The following ZNF383 variants were observed in gnomAD, a reference collection of about 807,000 sequenced individuals.
The protein encoded by ZNF383 is zinc finger protein 383.
In ZNF383, 32 loss-of-function variants were observed where a neutral mutation model predicts 44.2. The observed-to-expected ratio is 0.72, with a 90% CI of 0.55 to 0.97. The LOEUF is 0.97. ZNF383 is among the 50% of genes least tolerant of loss of function. ZNF383 has a pLI of 0.00. For synonymous variants in ZNF383, 155 were observed against 186.2 expected, an observed-to-expected ratio of 0.83 and a Z score of 1.36; for missense variants, 487 against 562.5, an observed-to-expected ratio of 0.87 and a Z score of 1.36.
chr19:37,243,212 G>A lies in ZNF383; in HGVS notation c.976G>A (p.Val326Ile), dbSNP rs779065944. ...GKAFTQSSKL[V>I]QHQRIHTGEK... Reference sequence around the variant, plus strand: ...AGCCTTTACCCAGAGCTCAAAGCTTGTTCAACATCAGAGAATTCATACTGG... The same window carrying A: ...AGCCTTTACCCAGAGCTCAAAGCTTATTCAACATCAGAGAATTCATACTGG... Residue 326 changes from valine (V) to isoleucine (I), a missense_variant, in exon 6 of 6, where the codon GTT becomes ATT. By Grantham distance (29) the Val-to-Ile change is conservative (BLOSUM62 3). Transcript: ENST00000684119. 1.5e-5 allele frequency: 25 copies of A among 1,613,866 alleles called. No homozygotes were observed. Among genetic ancestry groups the A allele is most frequent in the Non-Finnish European group, 2.1e-5 (25 of 1,179,978 alleles).
intron 4 of ZNF383, 33 bp from the exon 5 acceptor site, chr19:37,235,946 A>G: frequency 6.3e-7 from 1 of 1,576,014 alleles, no homozygotes; most frequent in Non-Finnish European, 8.7e-7. Flanking sequence ...TACCCCCAGC[A>G]TAACCATGTT....
At chr19:37,242,009 TA>T (rs1974109881) in intron 5 of ZNF383, among the ~76,000 whole-genome samples, 1 of 17,664 alleles carries the variant, frequency 5.7e-5, no homozygotes, top group South Asian at 2.0e-3. Flanking sequence ...TATATATACT[TA>T]TCTATATATA....
intron 1 of ZNF383, among the ~76,000 whole-genome samples, chr19:37,221,341 G>T (rs1236612108): frequency 6.6e-6 from 1 of 152,070 alleles, no homozygotes; most frequent in Non-Finnish European, 1.5e-5. Flanking sequence ...CCAGCACTTT[G>T]GGAGGCCTAC....
In ZNF383 at chr19:37,244,082, A is replaced by G. The variant is rs1016631243; in HGVS notation, c.*418A>G. ...GTTAGTCTTTTTGTTTTATTTTATT[A>G]TTATTATTATATGTTTTTTGAGACG... is the stretch of plus-strand genomic sequence containing the variant. On this transcript the variant is annotated 3_prime_UTR_variant, in exon 6 of 6. Transcript: ENST00000684119. The G allele has an allele frequency of 6.6e-6, 1 of 152,380 alleles. No individual in the cohort carries two copies. Among genetic ancestry groups the G allele is most frequent in the Non-Finnish European group, 1.5e-5 (1 of 68,356 alleles). The allele number at this position is 152,380 out of a possible 1,614,324, so 9.4% of individuals were successfully genotyped here.
At chr19:37,235,166 G>A (rs530651061) in intron 3 of ZNF383, among the ~76,000 whole-genome samples, 294 of 152,100 alleles carry the variant, frequency 1.9e-3, no homozygotes, top group African/African-American at 6.7e-3. Context: ...CCCGCTACTC[G>A]GGAGGCTGAG....
intron 3 of ZNF383, among the ~76,000 whole-genome samples, chr19:37,233,948 T>A (rs1188811418): frequency 6.6e-6 from 1 of 152,012 alleles, no homozygotes; most frequent in Non-Finnish European, 1.5e-5. Context: ...CACTGCAACC[T>A]CCACCTCCCA....
chr19:37,241,734 C>A (rs951892882), intron 5 of ZNF383, among the ~76,000 whole-genome samples: 1 of 151,996 alleles, frequency 6.6e-6, no homozygotes, highest in Non-Finnish European at 1.5e-5. Flanking sequence ...ATAACAAAGA[C>A]CTCCTGTCAG....
In ZNF383 at chr19:37,244,343, A is replaced by G. The variant is rs1441561221; in HGVS notation, c.*679A>G. The G allele has an allele frequency of 2.0e-5, 3 of 152,266 alleles. No individual in the cohort carries two copies. Among genetic ancestry groups the G allele is most frequent in the Non-Finnish European group, 4.4e-5 (3 of 68,368 alleles). 9.4% of individuals were successfully genotyped at this position (152,266 alleles called of 1,614,324 possible). On this transcript the variant is annotated 3_prime_UTR_variant, in exon 6 of 6. Coordinates refer to ENST00000684119, the MANE Select transcript of ZNF383 (RefSeq NM_001387601.1). ...GGTGATCCACCTGCCTCAGCCTCCC[A>G]AAGTGCTGGGATTACAGGCATGAGC...
rs1973742416 is a variant in ZNF383 at position 37,235,483 on chromosome 19, A to G, written c.10-66A>G. On this transcript the variant is annotated intron_variant, in intron 3 of 5. Coordinates refer to ENST00000684119, the MANE Select transcript of ZNF383 (RefSeq NM_001387601.1). ...GACTCATTTTGTATTACCCCACAAT[A>G]CAAGCATCGTAGTCTCTGATACATT... 8.3e-6 allele frequency: 13 copies of G among 1,557,004 alleles called. No homozygotes were observed. The Admixed American group carries it at 1.9e-4, about 22-fold the overall frequency.
chr19:37,223,792 G>A (rs1973033375), intron 1 of ZNF383, among the ~76,000 whole-genome samples: 2 of 152,104 alleles, frequency 1.3e-5, no homozygotes, highest in Non-Finnish European at 2.9e-5. Flanking sequence ...CCAGCACTTT[G>A]GGAGGCCCAG....
chr19:37,235,470 A>G lies in ZNF383; in HGVS notation c.10-79A>G, dbSNP rs1973740926. On this transcript the variant is annotated intron_variant, in intron 3 of 5. Transcript: ENST00000684119. ...ACACCAATATAATGACTCATTTTGTATTACCCCACAATACAAGCATCGTAG... is the reference window on the plus strand; with the variant it reads ...ACACCAATATAATGACTCATTTTGTGTTACCCCACAATACAAGCATCGTAG... The G allele has an allele frequency of 6.8e-6, 10 of 1,472,112 alleles. No individual in the cohort carries two copies. The East Asian group carries it at 2.1e-4, about 30-fold the overall frequency. 91.2% of individuals were successfully genotyped at this position (1,472,112 alleles called of 1,614,324 possible). A position where few individuals can be genotyped will look rare whatever the true frequency, so the allele number is the denominator to read the frequency against.
At chr19:37,238,532 A>G in intron 5 of ZNF383, among the ~76,000 whole-genome samples, 1 of 152,130 alleles carries the variant, frequency 6.6e-6, no homozygotes, top group East Asian at 1.9e-4. Context: ...GGGAACAGGT[A>G]ATGTAAATAT....
chr19:37,221,954 T>C (rs1972941159), intron 1 of ZNF383, among the ~76,000 whole-genome samples: 1 of 70,026 alleles, frequency 1.4e-5, no homozygotes, highest in East Asian at 3.5e-4. Flanking sequence ...AGACTCTGTC[T>C]CAAAAAAAAA....
Position 37,243,824 on chromosome 19 carries a change from C to T in ZNF383, c.*160C>T. 1.9e-6 allele frequency: 1 copy of T among 522,768 alleles called. No individual in the cohort carries two copies. The highest frequency in any genetic ancestry group is 3.8e-5 in the South Asian group (1 of 26,122). 32.4% of individuals were successfully genotyped at this position (522,768 alleles called of 1,614,324 possible). A position where few individuals can be genotyped will look rare whatever the true frequency, so the allele number is the denominator to read the frequency against. ...AATTCGGAGTCTAAAGTGACATTCC[C>T]TCTCTCCCCCAGTCATATACCGATG... is the stretch of plus-strand genomic sequence containing the variant. On this transcript the variant is annotated 3_prime_UTR_variant, in exon 6 of 6. Transcript: ENST00000684119.
At chr19:37,222,955 C>T (rs947960041) in intron 1 of ZNF383, among the ~76,000 whole-genome samples, 1 of 152,036 alleles carries the variant, frequency 6.6e-6, no homozygotes, top group Admixed American at 6.6e-5. Flanking sequence ...GATTTTACAA[C>T]AAGAAGCTTT....
intron 5 of ZNF383, among the ~76,000 whole-genome samples, chr19:37,236,714 C>T (rs1209155360): frequency 2.6e-5 from 4 of 151,854 alleles, no homozygotes; most frequent in Non-Finnish European, 5.9e-5. Flanking sequence ...GGACTACAGG[C>T]GCATGCCACC....
Position 37,243,747 on chromosome 19 carries a change from T to C in ZNF383, c.*83T>C. 1.1e-6 allele frequency: 1 copy of C among 929,440 alleles called. No homozygotes were observed. Among genetic ancestry groups the C allele is most frequent in the East Asian group, 2.6e-5 (1 of 37,898 alleles). 57.6% of individuals were successfully genotyped at this position (929,440 alleles called of 1,614,324 possible). On this transcript the variant is annotated 3_prime_UTR_variant, in exon 6 of 6. Coordinates refer to ENST00000684119, the MANE Select transcript of ZNF383 (RefSeq NM_001387601.1). ...AGTTACCCTCTTCCGTAGTTTTTTTTAAAACTTTGTATTTAAATTTTGTAT... is the reference window on the plus strand; with the variant it reads ...AGTTACCCTCTTCCGTAGTTTTTTTCAAAACTTTGTATTTAAATTTTGTAT...
At chr19:37,239,241 T>G (rs1476182631) in intron 5 of ZNF383, among the ~76,000 whole-genome samples, 1 of 152,200 alleles carries the variant, frequency 6.6e-6, no homozygotes, top group Non-Finnish European at 1.5e-5. Flanking sequence ...TTATATTTAA[T>G]AACCTCTAAT....
Position 37,242,903 on chromosome 19 carries a change from G to A in ZNF383, c.667G>A (p.Glu223Lys), listed in dbSNP as rs755595074. 4.3e-6 allele frequency: 7 copies of A among 1,613,846 alleles called. No homozygotes were observed. The highest frequency in any genetic ancestry group is 1.7e-5 in the Admixed American group (1 of 59,984). Residue 223 changes from glutamate (E) to lysine (K), a missense_variant, in exon 6 of 6, where the codon GAA (glutamate) becomes AAA (lysine). Physicochemically the swap from Glu to Lys is moderately conservative, Grantham distance 56. Coordinates refer to ENST00000684119, the MANE Select transcript of ZNF383 (RefSeq NM_001387601.1). ...VTRHLKIHTG[E>K]KPFECKECGK... ...TCGGCATCTGAAAATTCATACTGGC[G>A]AAAAACCCTTTGAATGTAAGGAATG...
Sources: allele counts gnomAD v4.1 joint callset (sites outside exome capture counted in the v4.1 genomes callset), GRCh38; gene constraint gnomAD v4.1.1; transcripts MANE v1.5; gene names NCBI Gene and HGNC (gene_info 2026-07-23, HGNC 2026-07-21).